The following RBFOX1 variants were observed in gnomAD, a reference collection of about 807,000 sequenced individuals.
RBFOX1 encodes the protein RNA binding fox-1 homolog 1.
Under a neutral mutation model 57.7 loss-of-function variants are expected in RBFOX1, and 8 were observed. The ratio of observed to expected loss-of-function variants is 0.14; its 90% CI spans 0.08 to 0.25. The LOEUF is 0.25. Ranked by LOEUF, RBFOX1 falls within the 10% of genes least tolerant of loss-of-function variation. The probability of loss-of-function intolerance (pLI) is 1.00; values close to 1 mark genes in which losing one functional copy is unlikely to be tolerated. For synonymous variants in RBFOX1, 326 were observed against 222.4 expected (o/e 1.47, Z -4.15); for missense variants, 611 against 548.5 (o/e 1.11, Z -1.14).
Position 5,458,334 on chromosome 16 carries a change from C to T in RBFOX1, c.220-8882C>T, listed in dbSNP as rs544777192. Among the ~76,000 whole-genome samples, 37 of 151,760 alleles carry T rather than the reference C, an allele frequency of 2.4e-4. No individual in the cohort carries two copies. The South Asian group carries it at 2.5e-3, about 10-fold the overall frequency. ...GAGCTCATGGGAATAAGAAAAAAAA[C>T]GGTGGGGAGGAAGGGGGTTGAGGGT... On this transcript the variant is annotated intron_variant, in intron 1 of 2. Coordinates refer to the RBFOX1 transcript ENST00000585867.
intron 3 of RBFOX1, among the ~76,000 whole-genome samples, chr16:5,668,393 T>C (rs1422505665): frequency 6.6e-6 from 1 of 152,172 alleles, no homozygotes; most frequent in Non-Finnish European, 1.5e-5. Context: ...TTCCCGACCT[T>C]AACACAGAGC....
At chr16:6,670,943 C>A (rs1051099078) in intron 3 of RBFOX1, among the ~76,000 whole-genome samples, 2 of 151,962 alleles carry the variant, frequency 1.3e-5, no homozygotes, top group Non-Finnish European at 2.9e-5. Context: ...GAGCTTGCAG[C>A]GAGCCGAGAT....
At chr16:6,583,152 T>G (rs2097561115) in intron 2 of RBFOX1, among the ~76,000 whole-genome samples, 1 of 152,134 alleles carries the variant, frequency 6.6e-6, no homozygotes, top group Non-Finnish European at 1.5e-5. Context: ...AGCTGGAAGA[T>G]AGAGATCTCA....
intron 3 of RBFOX1, among the ~76,000 whole-genome samples, chr16:5,775,039 A>G (rs1211768768): frequency 6.6e-6 from 1 of 152,036 alleles, no homozygotes; most frequent in Non-Finnish European, 1.5e-5. Context: ...TCCCTAAACC[A>G]AATCTCACAT....
chr16:6,037,623 C>G (rs1424710512), intron 1 of RBFOX1: 1 of 150,628 alleles, frequency 6.6e-6, no homozygotes, highest in African/African-American at 2.5e-5. Flanking sequence ...GAGACGGAAT[C>G]TCGCTCTGTC....
chr16:7,084,316 TA>T (rs1322450844), intron 4 of RBFOX1, among the ~76,000 whole-genome samples: 1 of 151,904 alleles, frequency 6.6e-6, no homozygotes, highest in African/African-American at 2.4e-5. Flanking sequence ...CACACACTTA[TA>T]TGTGAGGGAG....
At chr16:7,112,690 GTCTCTC>G (rs143785090) in intron 4 of RBFOX1, among the ~76,000 whole-genome samples, 42 of 124,112 alleles carry the variant, frequency 3.4e-4, no homozygotes, top group East Asian at 1.2e-3. Context: ...GTGTGGGTGT[GTCTCTC>G]TGTCTGTCTG....
intron 4 of RBFOX1, among the ~76,000 whole-genome samples, chr16:7,420,995 G>C (rs1598030986): frequency 6.6e-6 from 1 of 150,812 alleles, no homozygotes; most frequent in East Asian, 2.0e-4. Flanking sequence ...GCTTTCCTGA[G>C]GCTGTACAGA....
intron 2 of RBFOX1, among the ~76,000 whole-genome samples, chr16:6,414,880 G>C (rs959116257): frequency 6.6e-6 from 1 of 152,150 alleles, no homozygotes; most frequent in East Asian, 1.9e-4. Flanking sequence ...CAAGGATATA[G>C]TCAGACATCC....
At chr16:6,058,754 C>G (rs1235211146) in intron 1 of RBFOX1, among the ~76,000 whole-genome samples, 1 of 151,132 alleles carries the variant, frequency 6.6e-6, no homozygotes, top group Non-Finnish European at 1.5e-5. Flanking sequence ...CCTATCCATT[C>G]ACTCATCCAT....
intron 10 of RBFOX1, among the ~76,000 whole-genome samples, chr16:7,608,228 G>C (rs939621366): frequency 1.3e-5 from 2 of 152,104 alleles, no homozygotes; most frequent in African/African-American, 4.8e-5. Context: ...CATACCCCTT[G>C]CTTTGTTTCT....
At chr16:7,426,566 A>G (rs756518299) in intron 4 of RBFOX1, among the ~76,000 whole-genome samples, 1 of 152,330 alleles carries the variant, frequency 6.6e-6, no homozygotes, top group Admixed American at 6.5e-5. Context: ...GTTGTTCTTC[A>G]AACCAAATAG....
chr16:5,498,138 T>C (rs1404066374), intron 2 of RBFOX1, among the ~76,000 whole-genome samples: 3 of 152,012 alleles, frequency 2.0e-5, no homozygotes, highest in Admixed American at 6.6e-5. Flanking sequence ...ATTTTATTCT[T>C]TTGTTTTTGT....
At chr16:7,253,914 T>G (rs1438663492) in intron 4 of RBFOX1, among the ~76,000 whole-genome samples, 6 of 152,170 alleles carry the variant, frequency 3.9e-5, no homozygotes, top group African/African-American at 1.4e-4. Flanking sequence ...CTGAAGAGTC[T>G]TTATATAGGA....
At chr16:5,595,592 A>G (rs1398808301) in intron 2 of RBFOX1, among the ~76,000 whole-genome samples, 3 of 152,180 alleles carry the variant, frequency 2.0e-5, no homozygotes. Flanking sequence ...TTTCATCTGA[A>G]TGGATCAGGC....
At chr16:6,473,221 G>C (rs550621907) in intron 2 of RBFOX1, among the ~76,000 whole-genome samples, 1 of 152,082 alleles carries the variant, frequency 6.6e-6, no homozygotes, top group Non-Finnish European at 1.5e-5. Flanking sequence ...TTTGTTTTCT[G>C]GTGATTAGTG....
intron 1 of RBFOX1, among the ~76,000 whole-genome samples, chr16:5,438,773 C>G (rs919757667): frequency 1.3e-5 from 2 of 152,146 alleles, no homozygotes; most frequent in Admixed American, 1.3e-4. Flanking sequence ...TCATAAGCTG[C>G]TGTTGACTCA....
chr16:5,325,637 C>T (rs2151261014), intron 1 of RBFOX1, among the ~76,000 whole-genome samples: 2 of 152,232 alleles, frequency 1.3e-5, no homozygotes, highest in South Asian at 2.1e-4. Flanking sequence ...TTCTTTGTCC[C>T]TATAGTTTTG....
chr16:5,971,273 A>G (rs1008006466), intron 4 of RBFOX1, among the ~76,000 whole-genome samples: 7 of 152,216 alleles, frequency 4.6e-5, no homozygotes, highest in Non-Finnish European at 5.9e-5. Context: ...AAATCAGTTT[A>G]GGCTCCCATA....
Sources: gnomAD v4.1 joint callset for allele counts (sites outside exome capture counted in the v4.1 genomes callset) on GRCh38, gnomAD v4.1.1 for gene constraint, MANE v1.5 for transcripts, NCBI Gene and HGNC (gene_info 2026-07-23, HGNC 2026-07-21) for gene names.